The following ENAM variants were observed in gnomAD, a reference collection of about 807,000 sequenced individuals.
ENAM encodes amelogenesis imperfecta 2, hypocalcification (autosomal dominant).
Under a neutral mutation model 33.6 loss-of-function variants are expected in ENAM, and 21 were observed. That is an observed-to-expected ratio of 0.63 (90% CI 0.44 to 0.90). The LOEUF is 0.90. ENAM is among the 40% of genes least tolerant of loss of function. The pLI, the probability that ENAM is intolerant of heterozygous loss-of-function variation, is 0.00. For missense variants in ENAM, 1,388 were observed against 1,366.9 expected (o/e 1.02, Z -0.24); for synonymous variants, 473 against 468.4 (o/e 1.01, Z -0.13).
At chr4:70,638,888 AT>A (rs1738528868) in intron 8 of ENAM, among the ~76,000 whole-genome samples, 1 of 149,084 alleles carries the variant, frequency 6.7e-6, no homozygotes, top group Non-Finnish European at 1.5e-5. Flanking sequence ...CACCTTCTGG[AT>A]TCAAGCAATT....
rs1738256065 is a variant in ENAM, at chr4:70,629,510, C to T, written c.10C>T (p.Leu4Phe). ...AATTTTGCTGAAAAAAATGTTGGTGCTTCGGTGCAGGCTTGGAACCTCTTT... is the reference window on the plus strand; with the variant it reads ...AATTTTGCTGAAAAAAATGTTGGTGTTTCGGTGCAGGCTTGGAACCTCTTT... MLV[L>F]RCRLGTSFPK... Residue 4 changes from leucine to phenylalanine, a missense_variant, in exon 2 of 9, where the codon CTT becomes TTT. Physicochemically the swap from Leu to Phe is conservative, Grantham distance 22 (BLOSUM62 0). Transcript: ENST00000396073. 6.2e-7 allele frequency: 1 copy of T among 1,613,052 alleles called. No homozygotes were observed. The highest frequency in any genetic ancestry group is 1.1e-5 in the South Asian group (1 of 91,064).
intron 8 of ENAM, 99 bp downstream of exon 8, chr4:70,637,942 G>A (rs572183865): frequency 3.8e-4 from 344 of 916,792 alleles, no homozygotes; most frequent in Non-Finnish European, 5.8e-4. Flanking sequence ...TCCAACACAT[G>A]AACCTGTAGC....
intron 5 of ENAM, among the ~76,000 whole-genome samples, chr4:70,633,790 A>C (rs1020246056): frequency 3.3e-5 from 5 of 152,174 alleles, no homozygotes; most frequent in Admixed American, 3.3e-4. Flanking sequence ...TTTAATGAGG[A>C]TCCACCTGTA....
Position 70,643,907 on chromosome 4 carries a change from G to A in ENAM, c.2481G>A (p.Glu827=). 6.2e-7 allele frequency: 1 copy of A among 1,614,126 alleles called. No individual in the cohort carries two copies. Among genetic ancestry groups the A allele is most frequent in the Non-Finnish European group, 8.5e-7 (1 of 1,179,992 alleles). Residue 827 remains glutamate, a synonymous_variant, in exon 9 of 9, where the codon GAG becomes GAA. Coordinates refer to ENST00000396073, the MANE Select transcript of ENAM (RefSeq NM_031889.3). ...LQKNPIWHEG[E]NLNYGMQITR... is the part of the protein sequence containing the mutation. ...AAAATCCAATATGGCATGAAGGTGA[G>A]AATTTGAACTATGGCATGCAAATAA...
At position 70,642,389 on chromosome 4, in the gene ENAM, A is replaced by G. The variant is rs1176661490; in HGVS notation, c.963A>G (p.Pro321=). The change falls in exon 9 of 9, where the codon CCA becomes CCG. Residue 321 remains proline, a synonymous_variant. Transcript: ENST00000396073. The part of the protein sequence containing the change: ...PSQPNIRENH[P]YPNIRNFPSG... ...AGCCAAATATTCGTGAAAATCATCC[A>G]TATCCTAATATAAGAAATTTTCCTT... 1.2e-6 allele frequency: 2 copies of G among 1,614,072 alleles called. No individual in the cohort carries two copies. The highest frequency in any genetic ancestry group is 2.7e-5 in the African/African-American group (2 of 74,904).
At position 70,642,320 on chromosome 4, in the gene ENAM, A is replaced by G. The variant is rs1159185955; in HGVS notation, c.894A>G (p.Ser298=). Reference sequence around the variant, plus strand: ...GCCCACTCCCTGCAGTCAACGCTTCAGGCCAGGGAGGGCCAGGAAGTCAAA... The same window carrying G: ...GCCCACTCCCTGCAGTCAACGCTTCGGGCCAGGGAGGGCCAGGAAGTCAAA... ...GIGPLPAVNA[S]GQGGPGSQIP... Residue 298 remains serine, a synonymous_variant, in exon 9 of 9, where the codon TCA becomes TCG. Transcript: ENST00000396073. 10 of 1,614,196 alleles carry G rather than the reference A, an allele frequency of 6.2e-6. No homozygotes were observed. In the South Asian group the frequency reaches 1.1e-4, roughly 18 times the overall value.
Position 70,642,549 on chromosome 4 carries a change from G to A in ENAM, c.1123G>A (p.Gly375Arg). 6.2e-7 allele frequency: 1 copy of A among 1,613,988 alleles called. No individual in the cohort carries two copies. The highest frequency in any genetic ancestry group is 1.1e-5 in the South Asian group (1 of 91,068). The change falls in exon 9 of 9, where the codon GGA becomes AGA. Residue 375 changes from glycine to arginine, a missense_variant. By Grantham distance (125) the Gly-to-Arg change is moderately radical. Transcript: ENST00000396073. ...GGAACGTAAACAAGTAGCTCGTCCA[G>A]GAAATCCAGTTTATCACAAAGCTTA... is the stretch of plus-strand genomic sequence containing the variant. ...AWERKQVARP[G>R]NPVYHKAYPP... is the part of the protein sequence containing the mutation.
Position 70,642,473 on chromosome 4 carries a change from T to C in ENAM, c.1047T>C (p.Phe349=). 1 of 1,614,158 alleles carries C rather than the reference T, an allele frequency of 6.2e-7. No individual in the cohort carries two copies. The highest frequency in any genetic ancestry group is 8.5e-7 in the Non-Finnish European group (1 of 1,180,018). Reference sequence around the variant, plus strand: ...TGGGGCACAGACAGAATAGGCCTTTTTACAGAAATCAACAAGTTCAAAGGG... The same window carrying C: ...TGGGGCACAGACAGAATAGGCCTTTCTACAGAAATCAACAAGTTCAAAGGG... ...TVMGHRQNRP[F]YRNQQVQRGP... The change falls in exon 9 of 9, where the codon TTT becomes TTC. Residue 349 remains phenylalanine, a synonymous_variant. Transcript: ENST00000396073.
chr4:70,632,032 AAACTCTC>A, intron 4 of ENAM, 139 bp downstream of exon 4: 8 of 832,194 alleles, frequency 9.6e-6, no homozygotes, highest in Middle Eastern at 3.4e-4. Context: ...TGAAAGTCTT[AAACTCTC>A]AAATCGAGGC....
chr4:70,641,699 A>G (rs977722821), intron 8 of ENAM, among the ~76,000 whole-genome samples: 2 of 152,136 alleles, frequency 1.3e-5, no homozygotes, highest in Non-Finnish European at 2.9e-5. Context: ...GTATGTAAAA[A>G]CAGAACAGAA....
chr4:70,642,959 C>A lies in ENAM; in HGVS notation c.1533C>A (p.Thr511=), dbSNP rs781519101. The A allele has an allele frequency of 1.2e-6, 2 of 1,613,854 alleles. No individual in the cohort carries two copies. The highest frequency in any genetic ancestry group is 8.5e-7 in the Non-Finnish European group (1 of 1,179,948). Residue 511 remains threonine, a synonymous_variant, in exon 9 of 9, where the codon ACC becomes ACA. Coordinates refer to ENST00000396073, the MANE Select transcript of ENAM (RefSeq NM_031889.3). The part of the protein sequence containing the change: ...SRKVPNSDGQ[T]QSQNLPKGIV... ...AAGTCCCAAATTCTGATGGACAAAC[C>A]CAAAGCCAGAATTTGCCCAAAGGGA...
At position 70,644,741 on chromosome 4, in the gene ENAM, T is replaced by TA; in HGVS notation, c.3317dup (p.Ser1107GlufsTer8). ...TTGAGTTAGCTACTGAGGAACAATTTAAGAGTATAAATGTAGACCCACTTG... is the reference window on the plus strand; with the variant it reads ...TTGAGTTAGCTACTGAGGAACAATTTAAAGAGTATAAATGTAGACCCACTTG... On this transcript the variant is annotated frameshift_variant, in exon 9 of 9. Coordinates refer to ENST00000396073, the MANE Select transcript of ENAM (RefSeq NM_031889.3). LOFTEE classifies it high-confidence loss of function. 6.2e-7 allele frequency: 1 copy of TA among 1,614,006 alleles called. No homozygotes were observed. The highest frequency in any genetic ancestry group is 1.3e-5 in the African/African-American group (1 of 75,042).
Position 70,643,564 on chromosome 4 carries a change from AT to A in ENAM, c.2143del (p.Tyr715IlefsTer27). The A allele has an allele frequency of 6.2e-7, 1 of 1,614,060 alleles. No homozygotes were observed. The highest frequency in any genetic ancestry group is 8.5e-7 in the Non-Finnish European group (1 of 1,180,002). On this transcript the variant is annotated frameshift_variant, in exon 9 of 9. Coordinates refer to ENST00000396073, the MANE Select transcript of ENAM (RefSeq NM_031889.3). LOFTEE classifies it low-confidence loss of function (END_TRUNC). ...SLDNPSKPRE[D>X]FYYSEFYPWS... The stretch of plus-strand genomic sequence containing the variant: ...GATAATCCATCAAAACCAAGGGAGG[AT>A]TTTTATTACAGTGAATTTTACCCAT...
Position 70,644,421 on chromosome 4 carries a change from G to C in ENAM, c.2995G>C (p.Glu999Gln), listed in dbSNP as rs754074801. ...DLGGDGNNIL[E>Q]QVFEDNQLNE... ...TGGAGGAGATGGGAACAACATTCTG[G>C]AACAAGTTTTTGAAGACAACCAGCT... Residue 999 changes from glutamate to glutamine, a missense_variant, in exon 9 of 9, where the codon GAA becomes CAA. By Grantham distance (29) the Glu-to-Gln change is conservative (BLOSUM62 2). Coordinates refer to ENST00000396073, the MANE Select transcript of ENAM (RefSeq NM_031889.3). 6.2e-6 allele frequency: 10 copies of C among 1,614,104 alleles called. No homozygotes were observed. The highest frequency in any genetic ancestry group is 8.5e-6 in the Non-Finnish European group (10 of 1,179,992).
In ENAM at chr4:70,645,210, AAGGCAG is replaced by A; in HGVS notation, c.*357_*362del. On this transcript the variant is annotated 3_prime_UTR_variant, in exon 9 of 9. Transcript: ENST00000396073. ...TGCAAAATTGGTTTTTCAAGACTGAAAGGCAGATTAACTTTCCATTCTACTTATGGA... is the reference window on the plus strand; with the variant it reads ...TGCAAAATTGGTTTTTCAAGACTGAAATTAACTTTCCATTCTACTTATGGA... The A allele has an allele frequency of 1.4e-5, 6 of 440,336 alleles. No homozygotes were observed. The highest frequency in any genetic ancestry group is 3.9e-5 in the African/African-American group (2 of 51,106). The allele number at this position is 440,336 out of a possible 1,614,324, so 27.3% of individuals were successfully genotyped here.
In ENAM at chr4:70,644,666, C is replaced by A. The variant is rs1738709350; in HGVS notation, c.3240C>A (p.Ser1080Arg). 4 of 1,614,132 alleles carry A rather than the reference C, an allele frequency of 2.5e-6. No individual in the cohort carries two copies. Among genetic ancestry groups the A allele is most frequent in the Non-Finnish European group, 3.4e-6 (4 of 1,179,994 alleles). ...CTCCATCTAGCGATGGAAGGCAAAG[C>A]CCATTTGATGGGGATTCAATTACGC... ...TGTPSSDGRQSPFDGDSITPT... is the reference protein window; with the variant it reads ...TGTPSSDGRQRPFDGDSITPT... The change falls in exon 9 of 9, where the codon AGC (serine) becomes AGA (arginine). Residue 1080 changes from serine to arginine, a missense_variant. Physicochemically the swap from Ser to Arg is moderately radical, Grantham distance 110 (BLOSUM62 -1). Coordinates refer to ENST00000396073, the MANE Select transcript of ENAM (RefSeq NM_031889.3).
rs1216494397 is a variant in ENAM at position 70,634,424 on chromosome 4, A to G, written c.327A>G (p.Ala109=). 1 of 1,614,134 alleles carries G rather than the reference A, an allele frequency of 6.2e-7. No individual in the cohort carries two copies. Among genetic ancestry groups the G allele is most frequent in the Non-Finnish European group, 8.5e-7 (1 of 1,180,008 alleles). ...PNTWHPRKSS[A]PKRHNKTDQT... is the part of the protein sequence containing the mutation. ...CATGGCATCCACGGAAATCCTCAGC[A>G]CCCAAACGTCATAACAAGACTGATC... Residue 109 remains alanine (A), a synonymous_variant, in exon 6 of 9, where the codon GCA becomes GCG. Coordinates refer to ENST00000396073, the MANE Select transcript of ENAM (RefSeq NM_031889.3).
At position 70,646,034 on chromosome 4, in the gene ENAM, T is replaced by A. The variant is rs1738752003; in HGVS notation, c.*1179T>A. On this transcript the variant is annotated 3_prime_UTR_variant, in exon 9 of 9. Transcript: ENST00000396073. Reference sequence around the variant, plus strand: ...AGAAGACATTTTGGGAAACACTGTCTTAAATAAAAACTCAATGTTTAGTTG... The same window carrying A: ...AGAAGACATTTTGGGAAACACTGTCATAAATAAAAACTCAATGTTTAGTTG... 1 of 151,762 alleles carries A rather than the reference T, an allele frequency of 6.6e-6. No individual in the cohort carries two copies. The highest frequency in any genetic ancestry group is 3.4e-3 in the Middle Eastern group (1 of 294). 9.4% of individuals were successfully genotyped at this position (151,762 alleles called of 1,614,324 possible). A position where few individuals can be genotyped will look rare whatever the true frequency, so the allele number is the denominator to read the frequency against.
At chr4:70,629,023 C>A in intron 1 of ENAM, 59 bp downstream of exon 1, 1 of 161,232 alleles carries the variant, frequency 6.2e-6, no homozygotes, top group Non-Finnish European at 1.4e-5. Flanking sequence ...GAATTTAATT[C>A]ATAGATGTTG....
Sources: allele counts gnomAD v4.1 joint callset (sites outside exome capture counted in the v4.1 genomes callset), GRCh38; gene constraint gnomAD v4.1.1; transcripts MANE v1.5; gene names NCBI Gene and HGNC (gene_info 2026-07-23, HGNC 2026-07-21).